The following KIF26B variants were observed in gnomAD, a reference collection of about 807,000 sequenced individuals.
The protein encoded by KIF26B is kinesin-like protein KIF26B.
Under a neutral mutation model 151.2 loss-of-function variants are expected in KIF26B, and 63 were observed. That is an observed-to-expected ratio of 0.42 (90% CI 0.34 to 0.51). The LOEUF is 0.51. Ranked by LOEUF, KIF26B falls within the 20% of genes least tolerant of loss-of-function variation. KIF26B has a pLI of 0.07. For synonymous variants in KIF26B, 1,357 were observed against 1,262.1 expected (o/e 1.08, Z -1.59); for missense variants, 2,813 against 2,913.6 (o/e 0.97, Z 0.79).
intron 4 of KIF26B, among the ~76,000 whole-genome samples, chr1:245,423,601 C>A (rs1279392025): frequency 6.6e-6 from 1 of 151,624 alleles, no homozygotes; most frequent in Non-Finnish European, 1.5e-5. Flanking sequence ...AACAGAAAAA[C>A]CCCCAATTTG....
At chr1:245,630,487 A>C (rs921698097) in intron 9 of KIF26B, among the ~76,000 whole-genome samples, 1 of 152,212 alleles carries the variant, frequency 6.6e-6, no homozygotes, top group African/African-American at 2.4e-5. Flanking sequence ...CAGGAACAGA[A>C]AACCAAACAC....
intron 4 of KIF26B, among the ~76,000 whole-genome samples, chr1:245,422,943 A>G (rs1658527032): frequency 6.6e-6 from 1 of 152,056 alleles, no homozygotes. Flanking sequence ...TACTAAAAAT[A>G]CAAAAATTAG....
rs1553270133 is a variant in KIF26B, at chr1:245,390,943, A to AAAAAAAAACAAAACAAAACAAAAC, written c.999+23584_999+23585insCAAAACAAAACAAAACAAAAAAAA. Among the ~76,000 whole-genome samples the AAAAAAAAACAAAACAAAACAAAAC allele has an allele frequency of 2.5e-4, 30 of 118,454 alleles. 1 individual carries two copies. The highest frequency in any genetic ancestry group is 1.1e-3 in the African/African-American group (27 of 24,444). The allele number at this position is 118,454 out of a possible 152,430, so 77.7% of individuals were successfully genotyped here. A position where few individuals can be genotyped will look rare whatever the true frequency, so the allele number is the denominator to read the frequency against. On this transcript the variant is annotated intron_variant, in intron 3 of 14. Coordinates refer to ENST00000407071, the MANE Select transcript of KIF26B (RefSeq NM_018012.4). ...TCTCAAAAAAAAAAAAAAAAAAAAAAAAAAAAAAACCACCATAAAATTTTG... is the reference window on the plus strand; with the variant it reads ...TCTCAAAAAAAAAAAAAAAAAAAAAAAAAAAAAACAAAACAAAACAAAACAAAAAAAAACCACCATAAAATTTTG...
intron 2 of KIF26B, among the ~76,000 whole-genome samples, chr1:245,261,096 T>C (rs1295376054): frequency 1.4e-5 from 2 of 147,276 alleles, no homozygotes; most frequent in East Asian, 4.4e-4. Flanking sequence ...CCCTGCTTCC[T>C]TCCTTCCTTC....
chr1:245,172,542 G>A (rs1558333278), intron 2 of KIF26B, among the ~76,000 whole-genome samples: 1 of 152,100 alleles, frequency 6.6e-6, no homozygotes, highest in Non-Finnish European at 1.5e-5. Context: ...GGGCATGGTG[G>A]CTCACACCTG....
At chr1:245,328,430 T>G (rs749309435) in intron 2 of KIF26B, among the ~76,000 whole-genome samples, 30 of 152,218 alleles carry the variant, frequency 2.0e-4, no homozygotes, top group Non-Finnish European at 3.7e-4. Flanking sequence ...GACTTTCTCT[T>G]TTAGGTACCT....
chr1:245,465,134 A>G (rs1044934002), intron 4 of KIF26B, among the ~76,000 whole-genome samples: 19 of 56,994 alleles, frequency 3.3e-4, no homozygotes, highest in Non-Finnish European at 5.8e-4. Flanking sequence ...GCCCGCCACC[A>G]CACCCGGCTA....
intron 9 of KIF26B, among the ~76,000 whole-genome samples, chr1:245,638,552 T>A (rs1308379407): frequency 6.6e-6 from 1 of 152,034 alleles, no homozygotes; most frequent in African/African-American, 2.4e-5. Context: ...CCACTGAGCA[T>A]CCTTTTCTTA....
Position 245,688,374 on chromosome 1 carries a change from C to A in KIF26B, c.5391C>A (p.Ser1797=). ...GGAACAGGAGCTCGGGCCTGGCCTC[C>A]AAGCTTCCCCTGCGGGCCGTCAGCG... ...LSRNRSSGLA[S]KLPLRAVSGR... Residue 1797 remains serine, a synonymous_variant, in exon 12 of 15, where the codon TCC becomes TCA. Transcript: ENST00000407071. 1 of 1,537,654 alleles carries A rather than the reference C, an allele frequency of 6.5e-7. No individual in the cohort carries two copies.
At chr1:245,651,782 T>G (rs1169896074) in intron 10 of KIF26B, among the ~76,000 whole-genome samples, 2 of 152,204 alleles carry the variant, frequency 1.3e-5, no homozygotes, top group African/African-American at 4.8e-5. Context: ...GCGCTCCTTA[T>G]GAGAATCTAA....
intron 2 of KIF26B, among the ~76,000 whole-genome samples, chr1:245,190,084 A>ACCT (rs3050455): frequency 0.86 from 130,472 of 151,766 alleles, 56,400 homozygotes; most frequent in East Asian, 0.92. Flanking sequence ...GATGAAATTA[A>ACCT]CCTATGAAAC....
chr1:245,465,595 A>G (rs987798364), intron 4 of KIF26B, among the ~76,000 whole-genome samples: 1 of 152,204 alleles, frequency 6.6e-6, no homozygotes, highest in Admixed American at 6.5e-5. Context: ...TAGCACGTAG[A>G]TATTCACAGC....
intron 5 of KIF26B, among the ~76,000 whole-genome samples, chr1:245,545,843 T>C (rs986237079): frequency 6.6e-6 from 1 of 152,234 alleles, no homozygotes; most frequent in African/African-American, 2.4e-5. Context: ...TTAACATCCA[T>C]GTTTAAGGTT....
chr1:245,472,316 C>T (rs1659934003), intron 4 of KIF26B, among the ~76,000 whole-genome samples: 1 of 152,124 alleles, frequency 6.6e-6, no homozygotes. Flanking sequence ...ATTCATTGGC[C>T]TGCTTGTAAA....
intron 5 of KIF26B, among the ~76,000 whole-genome samples, chr1:245,581,926 G>GGA (rs1553291661): frequency 7.0e-6 from 1 of 142,274 alleles, no homozygotes; most frequent in Non-Finnish European, 1.5e-5. Flanking sequence ...AAGAGAGAAA[G>GGA]AGGAAGGAAG....
At chr1:245,271,018 C>T (rs574354296) in intron 2 of KIF26B, among the ~76,000 whole-genome samples, 8 of 152,096 alleles carry the variant, frequency 5.3e-5, no homozygotes, top group Non-Finnish European at 1.2e-4. Context: ...AATCCTTTCC[C>T]CACTGTGTTG....
chr1:245,543,626 G>C (rs1288596598), intron 5 of KIF26B, among the ~76,000 whole-genome samples: 1 of 152,164 alleles, frequency 6.6e-6, no homozygotes, highest in Non-Finnish European at 1.5e-5. Flanking sequence ...GGGAGGAAGT[G>C]ACAGTTGGAG....
At chr1:245,530,689 T>C (rs1317433532) in intron 4 of KIF26B, among the ~76,000 whole-genome samples, 2 of 152,252 alleles carry the variant, frequency 1.3e-5, no homozygotes, top group Non-Finnish European at 2.9e-5. Context: ...GTAGTGGGTT[T>C]ACCTGCTGTG....
intron 2 of KIF26B, among the ~76,000 whole-genome samples, chr1:245,238,065 G>T (rs1670147106): frequency 6.8e-6 from 1 of 148,080 alleles, no homozygotes; most frequent in Non-Finnish European, 1.5e-5. Context: ...AGGCATGCTG[G>T]CTCATGCCCG....
Sources: allele counts gnomAD v4.1 joint callset (sites outside exome capture counted in the v4.1 genomes callset), GRCh38; gene constraint gnomAD v4.1.1; transcripts MANE v1.5; gene names NCBI Gene and HGNC (gene_info 2026-07-23, HGNC 2026-07-21).